The following SDR9C7 variants were observed in gnomAD, a reference collection of about 807,000 sequenced individuals.
SDR9C7 encodes the protein short-chain dehydrogenase/reductase family 9C member 7.
SDR9C7 carries 11 observed loss-of-function variants against 23.6 expected under a neutral mutation model. The ratio of observed to expected loss-of-function variants is 0.47; its 90% CI spans 0.29 to 0.77. The LOEUF is 0.77. Among genes scored for constraint, SDR9C7 ranks in the 30% least tolerant of loss-of-function variants. SDR9C7 has a pLI of 0.09. For synonymous variants in SDR9C7, 167 were observed against 157.3 expected (o/e 1.06, Z -0.46); for missense variants, 387 against 407.1 (o/e 0.95, Z 0.42).
intron 2 of SDR9C7, 108 bp from the exon 3 acceptor site, chr12:56,929,661 C>T (rs527351065): frequency 2.3e-6 from 3 of 1,303,956 alleles, no homozygotes; most frequent in Admixed American, 4.0e-5. Flanking sequence ...CTTCTCTCAC[C>T]CCTGTACTTG....
At chr12:56,929,832 A>G (rs2136368722) in intron 2 of SDR9C7, among the ~76,000 whole-genome samples, 1 of 152,320 alleles carries the variant, frequency 6.6e-6, no homozygotes, top group South Asian at 2.1e-4. Flanking sequence ...GGTCCCTCCC[A>G]TTAGCAACCC....
chr12:56,930,152 C>A (rs780357978), intron 2 of SDR9C7, 74 bp downstream of exon 2: 1 of 1,542,906 alleles, frequency 6.5e-7, no homozygotes, highest in Non-Finnish European at 8.9e-7. Context: ...CCCCTGCCCA[C>A]ATGCTGTCAC....
chr12:56,924,878 G>A (rs752214347), intron 3 of SDR9C7, among the ~76,000 whole-genome samples: 3 of 151,898 alleles, frequency 2.0e-5, no homozygotes, highest in African/African-American at 4.8e-5. Context: ...CCAAGATCGC[G>A]CCACTGCATT....
Position 56,934,007 on chromosome 12 carries a change from GC to G in SDR9C7, c.254del (p.Ser85ThrfsTer9). On this transcript the variant is annotated frameshift_variant, in exon 1 of 4. Coordinates refer to ENST00000293502, the MANE Select transcript of SDR9C7 (RefSeq NM_148897.3). LOFTEE classifies it high-confidence loss of function. ...TTLLDVTKSE[S>X]IKAAAQWVRD... ...TCACCCACTGGGCCGCCGCCTTGATGCTTTCGCTCTTGGTGACATCCAGTAG... is the reference window on the plus strand; with the variant it reads ...TCACCCACTGGGCCGCCGCCTTGATGTTTCGCTCTTGGTGACATCCAGTAG... 6.2e-7 allele frequency: 1 copy of G among 1,613,122 alleles called. No homozygotes were observed. The highest frequency in any genetic ancestry group is 8.5e-7 in the Non-Finnish European group (1 of 1,179,114).
At position 56,923,671 on chromosome 12, in the gene SDR9C7, T is replaced by C; in HGVS notation, c.*162A>G. ...AGGGTGGGAAGAGGCATTCACCTTC[T>C]GTTAGAAGTTACTGGTAAATTCGAC... On this transcript the variant is annotated 3_prime_UTR_variant, in exon 4 of 4. Coordinates refer to ENST00000293502, the MANE Select transcript of SDR9C7 (RefSeq NM_148897.3). 1 of 592,760 alleles carries C rather than the reference T, an allele frequency of 1.7e-6. No homozygotes were observed. The highest frequency in any genetic ancestry group is 2.4e-5 in the South Asian group (1 of 41,826). 36.7% of individuals were successfully genotyped at this position (592,760 alleles called of 1,614,324 possible). A position where few individuals can be genotyped will look rare whatever the true frequency, so the allele number is the denominator to read the frequency against.
chr12:56,927,132 G>A (rs1955739607), intron 3 of SDR9C7, among the ~76,000 whole-genome samples: 1 of 152,128 alleles, frequency 6.6e-6, no homozygotes, highest in Non-Finnish European at 1.5e-5. Flanking sequence ...ATTATGGTGT[G>A]GACTACAGGT....
chr12:56,924,963 AG>A (rs1955723753), intron 3 of SDR9C7, among the ~76,000 whole-genome samples: 1 of 152,206 alleles, frequency 6.6e-6, no homozygotes, highest in Admixed American at 6.5e-5. Context: ...GATTAACAGC[AG>A]GGTAGACACT....
chr12:56,932,581 C>T (rs978697758), intron 1 of SDR9C7, among the ~76,000 whole-genome samples: 5 of 152,174 alleles, frequency 3.3e-5, no homozygotes, highest in African/African-American at 9.7e-5. Context: ...AACTCACATG[C>T]TAAGTGAGGT....
chr12:56,928,946 C>A (rs1268202449), intron 3 of SDR9C7, among the ~76,000 whole-genome samples: 1 of 152,196 alleles, frequency 6.6e-6, no homozygotes, highest in Non-Finnish European at 1.5e-5. Context: ...CTCATAACAA[C>A]CCCATGAGGG....
rs1222291014 is a variant in SDR9C7, at chr12:56,930,568, A to C, written c.302-84T>G. 16 of 1,490,056 alleles carry C rather than the reference A, an allele frequency of 1.1e-5. No individual in the cohort carries two copies. In the Admixed American group the frequency reaches 3.0e-4, roughly 28 times the overall value. 92.3% of individuals were successfully genotyped at this position (1,490,056 alleles called of 1,614,324 possible). On this transcript the variant is annotated intron_variant, in intron 1 of 3. Coordinates refer to ENST00000293502, the MANE Select transcript of SDR9C7 (RefSeq NM_148897.3). Reference sequence around the variant, plus strand: ...TGCTCCCCACCGGCTCAGTGCCCTCAAGGATGGTTGAGCAGGTGCACAAGA... The same window carrying C: ...TGCTCCCCACCGGCTCAGTGCCCTCCAGGATGGTTGAGCAGGTGCACAAGA...
chr12:56,927,649 T>G (rs896296751), intron 3 of SDR9C7, among the ~76,000 whole-genome samples: 2 of 152,122 alleles, frequency 1.3e-5, no homozygotes, highest in South Asian at 4.1e-4. Flanking sequence ...CAAGTCGGAG[T>G]GTACATTAGG....
At position 56,933,469 on chromosome 12, in the gene SDR9C7, C is replaced by T. The variant is rs530794136; in HGVS notation, c.301+492G>A. 3.3e-5 allele frequency among the ~76,000 whole-genome samples: 5 copies of T among 152,286 alleles called. No homozygotes were observed. In the South Asian group the frequency reaches 1.0e-3, roughly 32 times the overall value. ...CGCCTCCCGGGTTCAAGTGATTCTCCTGCCTCAGCCTCCTGAGTAGCTGGG... is the reference window on the plus strand; with the variant it reads ...CGCCTCCCGGGTTCAAGTGATTCTCTTGCCTCAGCCTCCTGAGTAGCTGGG... On this transcript the variant is annotated intron_variant, in intron 1 of 3. Coordinates refer to ENST00000293502, the MANE Select transcript of SDR9C7 (RefSeq NM_148897.3).
intron 3 of SDR9C7, 69 bp from the exon 4 acceptor site, chr12:56,924,119 A>G (rs7314055): frequency 0.31 from 348,978 of 1,116,618 alleles, 60,325 homozygotes; most frequent in African/African-American, 0.63. Context: ...TCCGAATTCC[A>G]TCCAAGTTCC....
chr12:56,929,775 G>C (rs972814761), intron 2 of SDR9C7, among the ~76,000 whole-genome samples: 1 of 152,210 alleles, frequency 6.6e-6, no homozygotes, highest in Admixed American at 6.5e-5. Flanking sequence ...CACAACCAGC[G>C]GGAAGAAGTC....
chr12:56,930,337 C>G lies in SDR9C7; in HGVS notation c.449G>C (p.Arg150Thr). The G allele has an allele frequency of 6.2e-7, 1 of 1,614,182 alleles. No individual in the cohort carries two copies. The highest frequency in any genetic ancestry group is 8.5e-7 in the Non-Finnish European group (1 of 1,180,036). Residue 150 changes from arginine to threonine, a missense_variant, in exon 2 of 4, where the codon AGA becomes ACA. By Grantham distance (71) the Arg-to-Thr change is moderately conservative (BLOSUM62 -1). Coordinates refer to ENST00000293502, the MANE Select transcript of SDR9C7 (RefSeq NM_148897.3). ...CATGTTGACAACCCTGCCCCGGGCT[C>G]TCTTGACCATGGGCAGCATGTGAAG... ...VTLHMLPMVK[R>T]ARGRVVNMSS...
Position 56,933,986 on chromosome 12 carries a change from C to A in SDR9C7, c.276G>T (p.Trp92Cys). 6.2e-7 allele frequency: 1 copy of A among 1,610,208 alleles called. No individual in the cohort carries two copies. The highest frequency in any genetic ancestry group is 8.5e-7 in the Non-Finnish European group (1 of 1,176,668). The change falls in exon 1 of 4, where the codon TGG becomes TGT. Residue 92 changes from tryptophan to cysteine, a missense_variant. Trp to Cys is a radical substitution (Grantham distance 215, BLOSUM62 -2). Transcript: ENST00000293502. ...KSESIKAAAQWVRDKVGEQGL... is the reference protein window; with the variant it reads ...KSESIKAAAQCVRDKVGEQGL... The stretch of plus-strand genomic sequence containing the variant: ...CTTGTTCGCCCACTTTGTCCCTCAC[C>A]CACTGGGCCGCCGCCTTGATGCTTT...
intron 1 of SDR9C7, among the ~76,000 whole-genome samples, chr12:56,931,181 G>C (rs1046140711): frequency 6.6e-6 from 1 of 152,112 alleles, no homozygotes; most frequent in Admixed American, 6.6e-5. Context: ...TACCTTGTTC[G>C]AGGTTACAGT....
In SDR9C7 at chr12:56,930,295, C is replaced by T. The variant is rs749798308; in HGVS notation, c.491G>A (p.Arg164His). The T allele has an allele frequency of 1.8e-5, 29 of 1,614,058 alleles. No individual in the cohort carries two copies. The highest frequency in any genetic ancestry group is 1.0e-4 in the Admixed American group (6 of 60,006). The stretch of plus-strand genomic sequence containing the variant: ...GTAGCCACCACCAATGACAGCCACA[C>T]GACCACCAGAGCTGGACATGTTGAC... ...RVVNMSSSGG[R>H]VAVIGGGYCV... is the part of the protein sequence containing the mutation. The change falls in exon 2 of 4, where the codon CGT becomes CAT. Residue 164 changes from arginine (R) to histidine (H), a missense_variant. Physicochemically the swap from Arg to His is conservative, Grantham distance 29. Coordinates refer to ENST00000293502, the MANE Select transcript of SDR9C7 (RefSeq NM_148897.3).
chr12:56,933,823 T>C, intron 1 of SDR9C7, 138 bp downstream of exon 1: 1 of 1,015,160 alleles, frequency 9.9e-7, no homozygotes, highest in Non-Finnish European at 1.4e-6. Flanking sequence ...TCCAATCAGA[T>C]TGAGGCAGGG....
Sources: allele counts gnomAD v4.1 joint callset (sites outside exome capture counted in the v4.1 genomes callset), GRCh38; gene constraint gnomAD v4.1.1; transcripts MANE v1.5; gene names NCBI Gene and HGNC (gene_info 2026-07-23, HGNC 2026-07-21).